The following CDH9 variants were observed in gnomAD, a reference collection of about 807,000 sequenced individuals.
CDH9 encodes cadherin 9, also known as cadherin-9.
Under a neutral mutation model 70.9 loss-of-function variants are expected in CDH9, and 28 were observed. The ratio of observed to expected loss-of-function variants is 0.40; its 90% CI spans 0.29 to 0.54. CDH9 has a LOEUF of 0.54. Among genes scored for constraint, CDH9 ranks in the 20% least tolerant of loss-of-function variants. The probability of loss-of-function intolerance (pLI) is 0.59; values close to 1 mark genes in which losing one functional copy is unlikely to be tolerated. For synonymous variants in CDH9, 409 were observed against 343.1 expected, an observed-to-expected ratio of 1.19 and a Z score of -2.12; for missense variants, 874 against 984.4, an observed-to-expected ratio of 0.89 and a Z score of 1.50.
At chr5:26,928,532 C>A (rs1400570586) in intron 2 of CDH9, among the ~76,000 whole-genome samples, 1 of 151,878 alleles carries the variant, frequency 6.6e-6, no homozygotes, top group Admixed American at 6.6e-5. Flanking sequence ...CCTAGAGTAG[C>A]CAAAGTTATC....
At chr5:26,889,293 A>T (rs1452920403) in intron 9 of CDH9, among the ~76,000 whole-genome samples, 3 of 152,122 alleles carry the variant, frequency 2.0e-5, no homozygotes, top group African/African-American at 7.2e-5. Flanking sequence ...ATTTGAAAGA[A>T]TTACTTTGTA....
chr5:26,944,242 CT>C (rs34068474), intron 2 of CDH9, among the ~76,000 whole-genome samples: 122,419 of 148,878 alleles, frequency 0.82, 51,925 homozygotes, highest in East Asian at 0.99. Context: ...CATTTCCTAT[CT>C]TTTTTTTTTT....
intron 2 of CDH9, among the ~76,000 whole-genome samples, chr5:26,980,399 T>A (rs1305118297): frequency 2.0e-5 from 3 of 151,962 alleles, no homozygotes; most frequent in Non-Finnish European, 2.9e-5. Context: ...ATTTACTGAG[T>A]AAATTTTACT....
chr5:27,035,678 GTGTGTGTGTGT>G (rs1743379507), intron 1 of CDH9, among the ~76,000 whole-genome samples: 8 of 27,402 alleles, frequency 2.9e-4, no homozygotes, highest in African/African-American at 1.5e-3. Context: ...CTATTGACGT[GTGTGTGTGTGT>G]GTGTGTGTGT....
In CDH9 at chr5:26,932,865, T is replaced by C. The variant is rs867963679; in HGVS notation, c.229-16941A>G. ...GTTTCCAATTTTTTCCTGCCTTGTC[T>C]AGGTATAATTGAGCTTTGTCTATGA... On this transcript the variant is annotated intron_variant, in intron 2 of 11. Transcript: ENST00000231021. Among the ~76,000 whole-genome samples, 3 of 151,668 alleles carry C rather than the reference T, an allele frequency of 2.0e-5. 1 individual carries two copies. Among genetic ancestry groups the C allele is most frequent in the South Asian group, 4.1e-4 (2 of 4,824 alleles).
At chr5:27,019,652 A>C (rs1293516330) in intron 1 of CDH9, among the ~76,000 whole-genome samples, 1 of 151,984 alleles carries the variant, frequency 6.6e-6, no homozygotes, top group Non-Finnish European at 1.5e-5. Flanking sequence ...AAGAAAAATT[A>C]GTACAAAGAT....
chr5:26,897,210 G>A (rs567152281), intron 7 of CDH9, among the ~76,000 whole-genome samples: 11 of 152,104 alleles, frequency 7.2e-5, no homozygotes, highest in Admixed American at 2.6e-4. Flanking sequence ...CCCAAGAACA[G>A]ACGGATTCAC....
In CDH9 at chr5:26,974,826, G is replaced by A. The variant is rs1409509556; in HGVS notation, c.228+13280C>T. On this transcript the variant is annotated intron_variant, in intron 2 of 11. Coordinates refer to ENST00000231021, the MANE Select transcript of CDH9 (RefSeq NM_016279.4). ...TATAGTTACCCTTTTGTGTGTGTGT[G>A]TGTGTGCGTGTGTGTTGAGAAAACA... is the stretch of plus-strand genomic sequence containing the variant. Among the ~76,000 whole-genome samples, 4 of 151,786 alleles carry A rather than the reference G, an allele frequency of 2.6e-5. No homozygotes were observed. In the East Asian group the frequency reaches 7.7e-4, roughly 29 times the overall value.
intron 1 of CDH9, among the ~76,000 whole-genome samples, chr5:27,010,442 G>A (rs1742936617): frequency 6.6e-6 from 1 of 152,100 alleles, no homozygotes. Context: ...TCCCTCATGT[G>A]TGCCTCATCT....
chr5:26,994,916 C>A (rs1405840844), intron 1 of CDH9, among the ~76,000 whole-genome samples: 1 of 152,090 alleles, frequency 6.6e-6, no homozygotes, highest in Non-Finnish European at 1.5e-5. Context: ...CTCATTCTTT[C>A]AGTTTTTATA....
At chr5:26,961,855 C>G (rs192816863) in intron 2 of CDH9, among the ~76,000 whole-genome samples, 11 of 151,996 alleles carry the variant, frequency 7.2e-5, no homozygotes, top group African/African-American at 2.7e-4. Context: ...ACTTTAAGTT[C>G]TGGGATACAT....
rs556857357 is a variant in CDH9, at chr5:26,895,863, G to A, written c.1254-5299C>T. Among the ~76,000 whole-genome samples the A allele has an allele frequency of 4.6e-5, 7 of 152,020 alleles. No homozygotes were observed. The East Asian group carries it at 5.8e-4, about 13-fold the overall frequency. On this transcript the variant is annotated intron_variant, in intron 7 of 11. Transcript: ENST00000231021. ...ATCAGTCATCCTTCTAAATTTGATCGTAGCAAACAAAACAGTCCCATGCTA... is the reference window on the plus strand; with the variant it reads ...ATCAGTCATCCTTCTAAATTTGATCATAGCAAACAAAACAGTCCCATGCTA...
At chr5:26,926,928 CAA>C (rs750868451) in intron 2 of CDH9, among the ~76,000 whole-genome samples, 13,561 of 128,150 alleles carry the variant, frequency 0.11, 833 homozygotes, top group East Asian at 0.19. Context: ...CCCCCCCCCG[CAA>C]AAAAAAAAGA....
intron 1 of CDH9, among the ~76,000 whole-genome samples, chr5:27,026,928 A>G (rs1478363199): frequency 6.6e-6 from 1 of 152,000 alleles, no homozygotes; most frequent in African/African-American, 2.4e-5. Context: ...ATCATCTTTC[A>G]TAAGTTGTAG....
chr5:26,930,339 C>T (rs1741420645), intron 2 of CDH9, among the ~76,000 whole-genome samples: 1 of 151,824 alleles, frequency 6.6e-6, no homozygotes, highest in Non-Finnish European at 1.5e-5. Flanking sequence ...ATAAAATTGT[C>T]CCTTGGTATA....
chr5:26,977,613 A>G (rs1742325319), intron 2 of CDH9, among the ~76,000 whole-genome samples: 3 of 151,854 alleles, frequency 2.0e-5, no homozygotes, highest in South Asian at 4.1e-4. Context: ...ACTTCATTTC[A>G]TGTGTCATGT....
At chr5:27,023,375 T>G (rs910548979) in intron 1 of CDH9, among the ~76,000 whole-genome samples, 9 of 152,122 alleles carry the variant, frequency 5.9e-5, no homozygotes, top group African/African-American at 2.2e-4. Context: ...ACCACAGTAG[T>G]GAATTCAATG....
chr5:26,929,098 G>A (rs75050211), intron 2 of CDH9, among the ~76,000 whole-genome samples: 3,581 of 151,716 alleles, frequency 0.024, 69 homozygotes, highest in Non-Finnish European at 0.036. Context: ...ATCTGACAAG[G>A]GATTAATAAC....
At chr5:26,991,144 G>T (rs1472296276) in intron 1 of CDH9, among the ~76,000 whole-genome samples, 3 of 152,082 alleles carry the variant, frequency 2.0e-5, no homozygotes, top group Non-Finnish European at 4.4e-5. Context: ...GATCAGTTAG[G>T]GTCTTTTACT....
Sources: gnomAD v4.1 joint callset for allele counts (sites outside exome capture counted in the v4.1 genomes callset) on GRCh38, gnomAD v4.1.1 for gene constraint, MANE v1.5 for transcripts, NCBI Gene and HGNC (gene_info 2026-07-23, HGNC 2026-07-21) for gene names.